Variants in TMEM161B observed in about 807,000 individuals in gnomAD.
TMEM161B encodes the protein transmembrane protein 161B.
In TMEM161B, 34 loss-of-function variants were observed where a neutral mutation model predicts 61.8. That is an observed-to-expected ratio of 0.55 (90% CI 0.42 to 0.73). The LOEUF is 0.73. TMEM161B is among the 30% of genes least tolerant of loss of function. The pLI is 0.00. For missense variants in TMEM161B, 456 were observed against 558.5 expected (o/e 0.82, Z 1.85); for synonymous variants, 167 against 192.8 (o/e 0.87, Z 1.11).
At chr5:88,188,264 C>T (rs1455341607), downstream of TMEM161B, among the ~76,000 whole-genome samples, 4 of 136,748 alleles carry the variant, frequency 2.9e-5, no homozygotes, top group African/African-American at 1.1e-4. Context: ...ACCACCATGT[C>T]CAGCTAATTT....
At chr5:88,187,573 A>T (rs1184378026), downstream of TMEM161B, among the ~76,000 whole-genome samples, 1 of 152,154 alleles carries the variant, frequency 6.6e-6, no homozygotes, top group Non-Finnish European at 1.5e-5. Flanking sequence ...GCTTTTTGAC[A>T]CTATTGTAAC....
intron 9 of TMEM161B, chr5:88,199,420 C>T (rs1435769297): frequency 1.6e-5 from 4 of 255,494 alleles, no homozygotes; most frequent in Non-Finnish European, 2.9e-5. Flanking sequence ...TCTCTATATA[C>T]CCTCCTCCAT....
At chr5:88,191,069 A>G (rs1407583745), downstream of TMEM161B, among the ~76,000 whole-genome samples, 1 of 152,208 alleles carries the variant, frequency 6.6e-6, no homozygotes, top group Non-Finnish European at 1.5e-5. Context: ...ATTTGCTTAA[A>G]TATTTATAAT....
intron 1 of TMEM161B, among the ~76,000 whole-genome samples, chr5:88,254,370 T>G (rs534187679): frequency 1.7e-3 from 265 of 152,158 alleles, no homozygotes; most frequent in Non-Finnish European, 2.9e-3. Flanking sequence ...TCTCAGATCA[T>G]CTCCTAAGAA....
At chr5:88,247,447 T>C (rs1372307680) in intron 1 of TMEM161B, among the ~76,000 whole-genome samples, 2 of 152,036 alleles carry the variant, frequency 1.3e-5, no homozygotes. Flanking sequence ...CATATATACT[T>C]GGGACTCAGA....
chr5:88,240,291 G>A (rs548593638), intron 2 of TMEM161B, among the ~76,000 whole-genome samples: 205 of 151,946 alleles, frequency 1.3e-3, no homozygotes, highest in African/African-American at 4.7e-3. Flanking sequence ...ATTCTGGACT[G>A]AGCCACCAAT....
At chr5:88,189,247 A>G (rs1133152), downstream of TMEM161B, among the ~76,000 whole-genome samples, 130,533 of 151,960 alleles carry the variant, frequency 0.86, 56,112 homozygotes, top group Non-Finnish European at 0.88. Context: ...CTCAGTCTGA[A>G]GAAGGTCAGT....
chr5:88,246,234 A>T (rs1753600504), intron 1 of TMEM161B, among the ~76,000 whole-genome samples: 1 of 151,706 alleles, frequency 6.6e-6, no homozygotes, highest in South Asian at 2.1e-4. Context: ...AAGTCAACAG[A>T]TCTATCCTAC....
At chr5:88,217,127 G>A (rs1458721728) in intron 5 of TMEM161B, among the ~76,000 whole-genome samples, 2 of 152,144 alleles carry the variant, frequency 1.3e-5, no homozygotes, top group African/African-American at 4.8e-5. Flanking sequence ...GTGGTGGCAC[G>A]TGCCTGTAAC....
intron 2 of TMEM161B, among the ~76,000 whole-genome samples, chr5:88,229,335 C>G (rs1465650863): frequency 1.3e-5 from 2 of 152,126 alleles, no homozygotes; most frequent in South Asian, 4.1e-4. Flanking sequence ...AAATTCTAAA[C>G]TCTGCCCTAC....
intron 5 of TMEM161B, among the ~76,000 whole-genome samples, chr5:88,211,470 T>C (rs944081146): frequency 5.3e-5 from 8 of 150,662 alleles, no homozygotes; most frequent in African/African-American, 1.9e-4. Context: ...AAATGAAAAG[T>C]AAGACAAGAC....
intron 9 of TMEM161B, chr5:88,202,500 T>A (rs998707208): frequency 5.3e-6 from 1 of 188,008 alleles, no homozygotes; most frequent in South Asian, 1.0e-4. Context: ...GTCTCTAATT[T>A]ACTTCAAAAA....
chr5:88,267,747 A>C (rs1364202335), intron 1 of TMEM161B, among the ~76,000 whole-genome samples: 1 of 152,060 alleles, frequency 6.6e-6, no homozygotes, highest in African/African-American at 2.4e-5. Flanking sequence ...ATACCCCCCT[A>C]CCCCTTGTTT....
intron 1 of TMEM161B, among the ~76,000 whole-genome samples, chr5:88,250,013 G>A (rs186999420): frequency 6.6e-5 from 10 of 152,196 alleles, no homozygotes; most frequent in African/African-American, 2.4e-4. Flanking sequence ...CTATATCTAT[G>A]TTCTATCCTA....
At chr5:88,227,795 A>G (rs1019298211) in intron 3 of TMEM161B, among the ~76,000 whole-genome samples, 3 of 152,200 alleles carry the variant, frequency 2.0e-5, no homozygotes, top group Admixed American at 2.0e-4. Context: ...ACTACGGTCC[A>G]TTCAGAGAGG....
intron 5 of TMEM161B, among the ~76,000 whole-genome samples, chr5:88,212,627 T>C (rs964815762): frequency 1.3e-5 from 2 of 152,130 alleles, no homozygotes; most frequent in Non-Finnish European, 2.9e-5. Context: ...CAGGAATTCA[T>C]GACCAGCCTG....
At chr5:88,190,874 T>C (rs1347960456), downstream of TMEM161B, among the ~76,000 whole-genome samples, 1 of 152,238 alleles carries the variant, frequency 6.6e-6, no homozygotes, top group Non-Finnish European at 1.5e-5. Context: ...CTTTTATGGA[T>C]TATCTTAGAG....
intron 1 of TMEM161B, among the ~76,000 whole-genome samples, chr5:88,242,019 T>C (rs558070197): frequency 1.9e-4 from 29 of 151,906 alleles, no homozygotes; most frequent in Non-Finnish European, 2.5e-4. Context: ...ACTTCCGCTA[T>C]TGAATAGTCT....
chr5:88,214,411 T>C (rs138399590), intron 5 of TMEM161B, among the ~76,000 whole-genome samples: 5 of 152,074 alleles, frequency 3.3e-5, no homozygotes, highest in African/African-American at 7.2e-5. Context: ...GACTCAGTAT[T>C]ACTCTCTGTG....
Sources: gnomAD v4.1 joint callset for allele counts (sites outside exome capture counted in the v4.1 genomes callset) on GRCh38, gnomAD v4.1.1 for gene constraint, MANE v1.5 for transcripts, NCBI Gene and HGNC (gene_info 2026-07-23, HGNC 2026-07-21) for gene names.